LAT2: variants seen among roughly 807,000 people sequenced by gnomAD.
LAT2 encodes linker for activation of T cells family member 2, also known as linker for activation of T-cells family member 2.
A neutral mutation model predicts 43.4 loss-of-function variants in LAT2; 23 were observed. That is an observed-to-expected ratio of 0.53 (90% CI 0.38 to 0.75). LAT2 has a LOEUF of 0.75. Ranked by LOEUF, LAT2 falls within the 30% of genes least tolerant of loss-of-function variation. LAT2 has a pLI of 0.00. For synonymous variants in LAT2, 128 were observed against 123.2 expected (o/e 1.04, Z -0.26); for missense variants, 284 against 310.2 (o/e 0.92, Z 0.64).
At position 74,216,873 on chromosome 7, in the gene LAT2, C is replaced by T. The variant is rs1802066036; in HGVS notation, c.134+9C>T. 2 of 1,612,282 alleles carry T rather than the reference C, an allele frequency of 1.2e-6. No homozygotes were observed. The highest frequency in any genetic ancestry group is 1.7e-6 in the Non-Finnish European group (2 of 1,178,448). On this transcript the variant is annotated intron_variant, in intron 4 of 13. Transcript: ENST00000460943. ...TACCAGCAGAGAAGTCTGTGAGTTG[C>T]CTCGATGTCCCTAGCCTGGTGTATT...
At chr7:74,219,846 T>A in intron 5 of LAT2, 59 bp downstream of exon 5, 1 of 1,612,134 alleles carries the variant, frequency 6.2e-7, no homozygotes, top group East Asian at 2.2e-5. Flanking sequence ...TATCAAGTTA[T>A]CTCGGTCCCC....
chr7:74,222,929 ATCAG>A (rs1299953039), intron 10 of LAT2, among the ~76,000 whole-genome samples: 3 of 152,198 alleles, frequency 2.0e-5, no homozygotes, highest in Non-Finnish European at 4.4e-5. Context: ...TGGGTGGGGC[ATCAG>A]TCAGAGCCCA....
chr7:74,219,714 C>CCAGGCT, intron 4 of LAT2, 30 bp from the exon 5 acceptor site: 1 of 1,613,962 alleles, frequency 6.2e-7, no homozygotes, highest in Non-Finnish European at 8.5e-7. Flanking sequence ...GAGTCCAGGC[C>CCAGGCT]CAGGCTCAGC....
At chr7:74,226,807 G>A (rs1362745687) in intron 13 of LAT2, among the ~76,000 whole-genome samples, 1 of 152,154 alleles carries the variant, frequency 6.6e-6, no homozygotes, top group Non-Finnish European at 1.5e-5. Flanking sequence ...GGCGGCTAGG[G>A]AAGCCTTTCA....
intron 10 of LAT2, among the ~76,000 whole-genome samples, chr7:74,223,144 A>ACCC (rs1342985395): frequency 1.3e-4 from 20 of 151,924 alleles, no homozygotes; most frequent in Admixed American, 1.3e-3. Context: ...CTCTCCAGCC[A>ACCC]CCCGGCATGG....
At chr7:74,224,265 C>T in intron 12 of LAT2, 68 bp downstream of exon 12, 3 of 1,532,120 alleles carry the variant, frequency 2.0e-6, no homozygotes, top group Non-Finnish European at 2.7e-6. Context: ...CCTGGAAGGG[C>T]AGGCTGAAAG....
At chr7:74,218,557 G>C (rs1181014263) in intron 4 of LAT2, among the ~76,000 whole-genome samples, 4 of 152,166 alleles carry the variant, frequency 2.6e-5, no homozygotes, top group Non-Finnish European at 5.9e-5. Flanking sequence ...AGGATACAAA[G>C]GGTGTCTCCC....
chr7:74,220,133 C>A lies in LAT2; in HGVS notation c.228-84C>A. 1 of 1,565,070 alleles carries A rather than the reference C, an allele frequency of 6.4e-7. No individual in the cohort carries two copies. Among genetic ancestry groups the A allele is most frequent in the Admixed American group, 1.8e-5 (1 of 56,792 alleles). On this transcript the variant is annotated intron_variant, in intron 6 of 13. Coordinates refer to ENST00000460943, the MANE Select transcript of LAT2 (RefSeq NM_032464.3). This position sits in a 1 kb window ranked among gnomAD's most constrained non-coding sequence, Gnocchi z 4.5. ...GCTCCAGGGCTCAGCTATGAAGGCC[C>A]CACAAGGGGTATGGGGGGATGTGTC... is the stretch of plus-strand genomic sequence containing the variant.
chr7:74,213,497 C>T (rs576553924), intron 1 of LAT2, among the ~76,000 whole-genome samples: 50 of 146,924 alleles, frequency 3.4e-4, no homozygotes, highest in Admixed American at 5.4e-4. Context: ...TGATCTCGGC[C>T]CACTGCAACC....
intron 2 of LAT2, 98 bp from the exon 3 acceptor site, chr7:74,215,849 A>C (rs1802018671): frequency 3.6e-6 from 3 of 831,534 alleles, no homozygotes; most frequent in African/African-American, 3.3e-5. Context: ...GTGTTTCCGC[A>C]GCCTAGGCTC....
chr7:74,213,656 C>T (rs1400888314), intron 1 of LAT2, among the ~76,000 whole-genome samples: 1 of 152,054 alleles, frequency 6.6e-6, no homozygotes, highest in Non-Finnish European at 1.5e-5. Flanking sequence ...AACTCCCGAC[C>T]TCGTGATCTG....
At chr7:74,228,252 G>A (rs1157150559) in intron 13 of LAT2, among the ~76,000 whole-genome samples, 3 of 148,930 alleles carry the variant, frequency 2.0e-5, no homozygotes, top group African/African-American at 4.9e-5. Context: ...TGAGGCGGGC[G>A]GATCACAAGG....
Position 74,220,156 on chromosome 7 carries a change from G to T in LAT2, c.228-61G>T. On this transcript the variant is annotated intron_variant, in intron 6 of 13. Transcript: ENST00000460943. This position sits in a 1 kb window ranked among gnomAD's most constrained non-coding sequence, Gnocchi z 4.5. Reference sequence around the variant, plus strand: ...CCCCACAAGGGGTATGGGGGGATGTGTCCTGGGGGGCCTCTCCCCTACAGC... The same window carrying T: ...CCCCACAAGGGGTATGGGGGGATGTTTCCTGGGGGGCCTCTCCCCTACAGC... 1.9e-6 allele frequency: 3 copies of T among 1,569,644 alleles called. No homozygotes were observed. Among genetic ancestry groups the T allele is most frequent in the Non-Finnish European group, 2.6e-6 (3 of 1,151,818 alleles).
chr7:74,214,538 ATATATATATATATATATG>A (rs1563967849), intron 1 of LAT2, among the ~76,000 whole-genome samples: 197 of 11,244 alleles, frequency 0.018, 52 homozygotes, highest in African/African-American at 0.031. Context: ...ATATATATGA[ATATATATATATATATATG>A]AAAATATATA....
rs202072541 is a variant in LAT2 at position 74,224,657 on chromosome 7, C to T, written c.647C>T (p.Ala216Val). Residue 216 changes from alanine to valine, a missense_variant, in exon 13 of 14, where the codon GCA becomes GTA. Physicochemically the swap from Ala to Val is moderately conservative, Grantham distance 64. Transcript: ENST00000460943. ...TCCACAGGGCAACTCCAGAGAGAAGCATCCCCTGGCCCGGTGGGAAGCCCA... is the reference window on the plus strand; with the variant it reads ...TCCACAGGGCAACTCCAGAGAGAAGTATCCCCTGGCCCGGTGGGAAGCCCA... ...RKVMGQLQRE[A>V]SPGPVGSPDE... 3.8e-4 allele frequency: 608 copies of T among 1,604,148 alleles called. No individual in the cohort carries two copies. Among genetic ancestry groups the T allele is most frequent in the Non-Finnish European group, 4.9e-4 (577 of 1,175,736 alleles).
rs77143764 is a variant in LAT2, at chr7:74,216,091, G to A, written c.94+22G>A. 7,079 of 1,589,218 alleles carry A rather than the reference G, an allele frequency of 4.5e-3. 279 individuals are homozygous for A. The African/African-American group carries it at 0.078, about 18-fold the overall frequency. ...CCAGGTAAGCGGGGGTCTCGGGGAC[G>A]TGATGGGGAGAAGGTGTGGACAGTG... On this transcript the variant is annotated intron_variant, in intron 3 of 13. Coordinates refer to ENST00000460943, the MANE Select transcript of LAT2 (RefSeq NM_032464.3).
chr7:74,228,427 G>A (rs1204093076), intron 13 of LAT2, among the ~76,000 whole-genome samples: 5 of 150,772 alleles, frequency 3.3e-5, no homozygotes, highest in Admixed American at 6.6e-5. Context: ...AGTGAGCCGA[G>A]ATCACGCCAC....
chr7:74,214,374 G>GAAAATATATATATATATATATATATATA (rs1801899141), intron 1 of LAT2, among the ~76,000 whole-genome samples: 1 of 33,046 alleles, frequency 3.0e-5, no homozygotes, highest in Non-Finnish European at 5.4e-5. Context: ...ATATATATAT[G>GAAAATATATATATATATATATATATATA]AAAATATATA....
rs372430848 is a variant in LAT2, at chr7:74,213,827, C to T, written c.-218-995C>T. Among the ~76,000 whole-genome samples, 13 of 151,806 alleles carry T rather than the reference C, an allele frequency of 8.6e-5. No homozygotes were observed. The East Asian group carries it at 1.2e-3, about 14-fold the overall frequency. ...ACTGGTGGCCAGGGTGGGAAGAACACGGCGGGTGGGGGAGAGTGGACACTC... is the reference window on the plus strand; with the variant it reads ...ACTGGTGGCCAGGGTGGGAAGAACATGGCGGGTGGGGGAGAGTGGACACTC... On this transcript the variant is annotated intron_variant, in intron 1 of 13. Transcript: ENST00000460943.
Sources: allele counts gnomAD v4.1 joint callset (sites outside exome capture counted in the v4.1 genomes callset), GRCh38; gene constraint gnomAD v4.1.1; non-coding constraint Gnocchi (gnomAD v3.1); transcripts MANE v1.5; gene names NCBI Gene and HGNC (gene_info 2026-07-23, HGNC 2026-07-21).